CACNA1H: variants seen among roughly 807,000 people sequenced by gnomAD.
CACNA1H encodes calcium voltage-gated channel subunit alpha1 H, also known as voltage-dependent T-type calcium channel subunit alpha-1H.
In CACNA1H, 149 loss-of-function variants were observed where a neutral mutation model predicts 192.5. The ratio of observed to expected loss-of-function variants is 0.77; its 90% CI spans 0.68 to 0.89. The LOEUF is 0.89. CACNA1H is among the 40% of genes least tolerant of loss of function. CACNA1H has a pLI of 0.00. For synonymous variants in CACNA1H, 2,202 were observed against 1,475.2 expected (o/e 1.49, Z -11.29); for missense variants, 4,257 against 3,423.5 (o/e 1.24, Z -6.08).
rs144437731 is a variant in CACNA1H at position 1,164,445 on chromosome 16, C to T, written c.299+10409C>T. On this transcript the variant is annotated intron_variant, in intron 2 of 34. Coordinates refer to ENST00000348261, the MANE Select transcript of CACNA1H (RefSeq NM_021098.3). The stretch of plus-strand genomic sequence containing the variant: ...TCTCCTGGTTCAGGTGACCCTCCTG[C>T]CTCAGCCTCCCCAGGTGCCAGGATT... Among the ~76,000 whole-genome samples, 1,270 of 152,310 alleles carry T rather than the reference C, an allele frequency of 8.3e-3. 19 individuals carry two copies. Among genetic ancestry groups the T allele is most frequent in the African/African-American group, 0.029 (1,186 of 41,570 alleles).
chr16:1,195,610 C>A (rs775690682), intron 4 of CACNA1H, 45 bp downstream of exon 4: 2 of 1,564,328 alleles, frequency 1.3e-6, no homozygotes, highest in Admixed American at 1.9e-5. Flanking sequence ...GAAGGGGCCC[C>A]GCCCACCCCA....
At chr16:1,178,156 G>GC (rs1295506602) in intron 2 of CACNA1H, among the ~76,000 whole-genome samples, 3 of 63,292 alleles carry the variant, frequency 4.7e-5, no homozygotes, top group Non-Finnish European at 5.9e-5. Context: ...CCCGGAAACC[G>GC]CCCCCCCATG....
rs532280411 is a variant in CACNA1H, at chr16:1,209,649, C to T, written c.3744+237C>T. ...TGTGAGCTAAACGCTCCACGCACGG[C>T]CTGCATACGGGGGCTGGGCTCTGCG... On this transcript the variant is annotated intron_variant, in intron 17 of 34. Transcript: ENST00000348261. 4.6e-5 allele frequency among the ~76,000 whole-genome samples: 7 copies of T among 152,360 alleles called. No homozygotes were observed. The East Asian group carries it at 1.2e-3, about 25-fold the overall frequency.
chr16:1,186,734 G>A (rs1966102883), intron 2 of CACNA1H, among the ~76,000 whole-genome samples: 1 of 152,202 alleles, frequency 6.6e-6, no homozygotes, highest in African/African-American at 2.4e-5. Context: ...GCCACGTAAT[G>A]CTTCCTGGCC....
chr16:1,204,224 C>T lies in CACNA1H; in HGVS notation c.2217C>T (p.Arg739=). The change falls in exon 10 of 35, where the codon CGC becomes CGT. Residue 739 remains arginine, a synonymous_variant. Coordinates refer to ENST00000348261, the MANE Select transcript of CACNA1H (RefSeq NM_021098.3). ...EFTQDVRHGD[R]WDPTRPPRAT... is the part of the protein sequence containing the mutation. The stretch of plus-strand genomic sequence containing the variant: ...CGCAGGACGTCCGGCACGGTGACCG[C>T]TGGGACCCCACGCGACCACCCCGTG... The T allele has an allele frequency of 6.2e-7, 1 of 1,611,722 alleles. No homozygotes were observed. The highest frequency in any genetic ancestry group is 8.5e-7 in the Non-Finnish European group (1 of 1,179,402).
chr16:1,216,888 C>T (rs765894249), intron 30 of CACNA1H, 44 bp from the exon 31 acceptor site: 1 of 1,522,548 alleles, frequency 6.6e-7, no homozygotes, highest in South Asian at 1.2e-5. Context: ...GCTGAGGCCT[C>T]CCTGCCCGCC....
In CACNA1H at chr16:1,220,112, C is replaced by T. The variant is rs1313596584; in HGVS notation, c.6180C>T (p.Arg2060=). 4.7e-6 allele frequency: 7 copies of T among 1,487,164 alleles called. No individual in the cohort carries two copies. The highest frequency in any genetic ancestry group is 1.5e-5 in the African/African-American group (1 of 68,544). The allele number at this position is 1,487,164 out of a possible 1,614,324, so 92.1% of individuals were successfully genotyped here. Residue 2060 remains arginine (R), a synonymous_variant, in exon 35 of 35, where the codon CGC becomes CGT. Coordinates refer to ENST00000348261, the MANE Select transcript of CACNA1H (RefSeq NM_021098.3). ...TQGGSLQSPP[R]SPRPASVRTR... is the part of the protein sequence containing the mutation. ...GGGGCTCCCTGCAGTCCCCACCACG[C>T]TCCCCACGGCCCGCCAGCGTCCGCA...
intron 2 of CACNA1H, among the ~76,000 whole-genome samples, chr16:1,168,744 T>G (rs894374823): frequency 6.6e-6 from 1 of 152,036 alleles, no homozygotes; most frequent in Non-Finnish European, 1.5e-5. Flanking sequence ...CCACTCTGGG[T>G]GCCTTGTCCT....
At chr16:1,162,547 C>T (rs1963316383) in intron 2 of CACNA1H, among the ~76,000 whole-genome samples, 1 of 151,986 alleles carries the variant, frequency 6.6e-6, no homozygotes, top group Non-Finnish European at 1.5e-5. Flanking sequence ...TCATTCGGAG[C>T]CTCGGTTGGC....
intron 2 of CACNA1H, among the ~76,000 whole-genome samples, chr16:1,155,959 G>A (rs969294067): frequency 2.0e-5 from 3 of 152,076 alleles, no homozygotes; most frequent in African/African-American, 7.2e-5. Flanking sequence ...GGTAGCCCGA[G>A]AGGGACTTGG....
rs200807634 is a variant in CACNA1H, at chr16:1,213,868, C to G, written c.4866C>G (p.Phe1622Leu). The G allele has an allele frequency of 9.9e-6, 16 of 1,610,738 alleles. 1 individual carries two copies. In the South Asian group the frequency reaches 1.3e-4, roughly 13 times the overall value. The part of the protein sequence containing the change: ...SLCTSHYLDL[F>L]ITFIICVNVI... ...GCACCAGCCACTATCTCGACCTCTT[C>G]ATCACCTTCATCATCTGTGTCAACG... Residue 1622 changes from phenylalanine (F) to leucine (L), a missense_variant, in exon 27 of 35, where the codon TTC becomes TTG. Coordinates refer to ENST00000348261, the MANE Select transcript of CACNA1H (RefSeq NM_021098.3).
intron 11 of CACNA1H, among the ~76,000 whole-genome samples, chr16:1,205,587 G>A (rs1432974585): frequency 6.6e-6 from 1 of 152,248 alleles, no homozygotes; most frequent in African/African-American, 2.4e-5. Context: ...TCAGGGCCGA[G>A]CGAGAAAGAC....
chr16:1,179,936 C>T (rs1314506907), intron 2 of CACNA1H, among the ~76,000 whole-genome samples: 2 of 151,736 alleles, frequency 1.3e-5, no homozygotes, highest in Non-Finnish European at 2.9e-5. Context: ...GGGGTTTCAC[C>T]ATCTTGGCCA....
chr16:1,193,623 G>T (rs144196864), intron 2 of CACNA1H, among the ~76,000 whole-genome samples: 13 of 152,244 alleles, frequency 8.5e-5, no homozygotes, highest in African/African-American at 2.2e-4. Flanking sequence ...GGCTGATTTC[G>T]GCTTTCTTGC....
intron 10 of CACNA1H, 64 bp downstream of exon 10, chr16:1,204,522 G>T: frequency 7.4e-7 from 1 of 1,356,230 alleles, no homozygotes; most frequent in Admixed American, 2.3e-5. Context: ...GGGAGTCTCA[G>T]GAGGCTTCCA....
chr16:1,211,056 G>C (rs1012301497), intron 21 of CACNA1H, 85 bp downstream of exon 21: 50 of 1,558,198 alleles, frequency 3.2e-5, no homozygotes, highest in Non-Finnish European at 4.0e-5. Context: ...CGCAGTCCTG[G>C]GCTGTTCGCA....
chr16:1,168,195 C>A (rs1015155396), intron 2 of CACNA1H, among the ~76,000 whole-genome samples: 5 of 141,144 alleles, frequency 3.5e-5, no homozygotes, highest in African/African-American at 1.4e-4. Context: ...ATGTGGGATC[C>A]CCCCCCCCAA....
At position 1,205,242 on chromosome 16, in the gene CACNA1H, C is replaced by A; in HGVS notation, c.2580C>A (p.Phe860Leu). ...ACATCCGGAACCCGTACAACATCTT[C>A]GACGGCATCATCGTGGTCATCAGGT... The part of the protein sequence containing the change: ...LGYIRNPYNI[F>L]DGIIVVISVW... Residue 860 changes from phenylalanine to leucine, a missense_variant, in exon 11 of 35, where the codon TTC (phenylalanine) becomes TTA (leucine). Phe to Leu is a conservative substitution (Grantham distance 22). Coordinates refer to ENST00000348261, the MANE Select transcript of CACNA1H (RefSeq NM_021098.3). The A allele has an allele frequency of 6.2e-7, 1 of 1,609,790 alleles. No individual in the cohort carries two copies. Among genetic ancestry groups the A allele is most frequent in the Non-Finnish European group, 8.5e-7 (1 of 1,177,186 alleles).
intron 30 of CACNA1H, among the ~76,000 whole-genome samples, chr16:1,216,131 C>T (rs1410722201): frequency 1.3e-5 from 2 of 152,170 alleles, no homozygotes; most frequent in African/African-American, 4.8e-5. Flanking sequence ...CAGCCATGTT[C>T]CCAGCCACCC....
Sources: allele counts gnomAD v4.1 joint callset (sites outside exome capture counted in the v4.1 genomes callset), GRCh38; gene constraint gnomAD v4.1.1; transcripts MANE v1.5; gene names NCBI Gene and HGNC (gene_info 2026-07-23, HGNC 2026-07-21).